The following HIVEP3 variants were observed in gnomAD, a reference collection of about 807,000 sequenced individuals.
The protein encoded by HIVEP3 is HIVEP zinc finger 3.
HIVEP3 carries 49 observed loss-of-function variants against 152.8 expected under a neutral mutation model. The ratio of observed to expected loss-of-function variants is 0.32; its 90% CI spans 0.26 to 0.41. The LOEUF (loss-of-function observed/expected upper bound fraction) is 0.41, where lower values mean the gene tolerates loss of function less well. Among genes scored for constraint, HIVEP3 ranks in the 10% least tolerant of loss-of-function variants. HIVEP3 has a pLI of 1.00. For synonymous variants in HIVEP3, 1,269 were observed against 1,289.0 expected, an observed-to-expected ratio of 0.98 and a Z score of 0.33; for missense variants, 2,790 against 3,103.3, an observed-to-expected ratio of 0.90 and a Z score of 2.40.
At chr1:41,816,824 AC>A (rs1182625963) in intron 1 of HIVEP3, among the ~76,000 whole-genome samples, 1 of 152,310 alleles carries the variant, frequency 6.6e-6, no homozygotes, top group African/African-American at 2.4e-5. Flanking sequence ...CTAACACACC[AC>A]TTGCTTCATC....
rs574580373 is a variant in HIVEP3, at chr1:41,932,872, AG to A, written n.120-14349del. On this transcript the variant is annotated intron_variant and non_coding_transcript_variant, in intron 1 of 3. Transcript: ENST00000489103. ...CATTTCCCAAATTGTGATATGTTGT[AG>A]TTCTTTTTCATTCAGTTCAAAACGC... 1.2e-3 allele frequency among the ~76,000 whole-genome samples: 183 copies of A among 151,990 alleles called. 1 individual carries two copies. The highest frequency in any genetic ancestry group is 4.1e-3 in the African/African-American group (171 of 41,522).
In HIVEP3 at chr1:41,510,941, C is replaced by CAG. The variant is rs778462958; in HGVS notation, c.6729_6730dup (p.Trp2244SerfsTer239). ...GGCTGACGAGCTCTCAGTGGGACTC[C>CAG]AGCGGCCTCGCTCCTGGGCCTCCCG... On this transcript the variant is annotated frameshift_variant, in exon 9 of 9. Transcript: ENST00000372583. LOFTEE classifies it high-confidence loss of function. The CAG allele has an allele frequency of 6.2e-7, 1 of 1,613,564 alleles. No homozygotes were observed. The highest frequency in any genetic ancestry group is 1.1e-5 in the South Asian group (1 of 91,076).
intron 1 of HIVEP3, among the ~76,000 whole-genome samples, chr1:41,790,898 AC>A (rs971530990): frequency 1.3e-5 from 2 of 152,074 alleles, no homozygotes; most frequent in African/African-American, 4.8e-5. Context: ...CAACCCCTGT[AC>A]CATTTTCTTC....
chr1:41,750,703 C>CTTTT (rs11403164), intron 1 of HIVEP3, among the ~76,000 whole-genome samples: 1 of 146,094 alleles, frequency 6.8e-6, no homozygotes. Context: ...GCCCAGTGCA[C>CTTTT]TTTTTTTTTT....
chr1:41,866,510 A>G (rs1196914700), intron 1 of HIVEP3, among the ~76,000 whole-genome samples: 1 of 151,866 alleles, frequency 6.6e-6, no homozygotes, highest in Non-Finnish European at 1.5e-5. Context: ...TTCACAGTGG[A>G]CCTGGCTGCT....
chr1:41,600,347 A>AT (rs1558104899), intron 3 of HIVEP3, among the ~76,000 whole-genome samples: 1 of 152,230 alleles, frequency 6.6e-6, no homozygotes, highest in East Asian at 1.9e-4. Context: ...TGGATAAAAA[A>AT]TTCATTCATG....
intron 2 of HIVEP3, among the ~76,000 whole-genome samples, chr1:41,653,724 C>T (rs558345429): frequency 1.4e-3 from 206 of 152,230 alleles, no homozygotes; most frequent in African/African-American, 4.7e-3. Flanking sequence ...CGTTAGGAGG[C>T]CAGGTGTCCT....
At chr1:41,788,011 T>A (rs1172509148) in intron 1 of HIVEP3, among the ~76,000 whole-genome samples, 1 of 152,130 alleles carries the variant, frequency 6.6e-6, no homozygotes, top group Non-Finnish European at 1.5e-5. Context: ...AGGGATTTAA[T>A]GTGACTTTGG....
chr1:41,975,681 A>T (rs1645255488), intron 1 of HIVEP3, among the ~76,000 whole-genome samples: 1 of 152,340 alleles, frequency 6.6e-6, no homozygotes, highest in South Asian at 2.1e-4. Context: ...TATTGCTAGA[A>T]AAGAAAGCAT....
At chr1:41,944,681 G>A (rs12065143) in intron 1 of HIVEP3, among the ~76,000 whole-genome samples, 2,332 of 152,258 alleles carry the variant, frequency 0.015, 59 homozygotes, top group African/African-American at 0.054. Context: ...AAGGGATGCA[G>A]GACTGCTACA....
intron 2 of HIVEP3, among the ~76,000 whole-genome samples, chr1:41,648,327 A>G (rs1453966884): frequency 6.6e-6 from 1 of 152,048 alleles, no homozygotes; most frequent in Non-Finnish European, 1.5e-5. Context: ...ACGAGCATGC[A>G]TCGGCACATT....
intron 2 of HIVEP3, among the ~76,000 whole-genome samples, chr1:41,655,308 C>T (rs890448223): frequency 3.9e-5 from 6 of 151,998 alleles, no homozygotes; most frequent in Non-Finnish European, 7.4e-5. Flanking sequence ...TGAGGCCGCG[C>T]GCGGTGGCTC....
chr1:41,610,397 G>T (rs1383029064), intron 3 of HIVEP3, among the ~76,000 whole-genome samples: 1 of 152,222 alleles, frequency 6.6e-6, no homozygotes, highest in Non-Finnish European at 1.5e-5. Flanking sequence ...TTAGGCCAAG[G>T]AGCCAGTCTC....
At chr1:41,587,771 G>A (rs1447977523) in intron 3 of HIVEP3, among the ~76,000 whole-genome samples, 1 of 152,114 alleles carries the variant, frequency 6.6e-6, no homozygotes, top group Admixed American at 6.6e-5. Context: ...TGGCAGGACT[G>A]GACCATCCTG....
intron 1 of HIVEP3, among the ~76,000 whole-genome samples, chr1:42,021,017 T>G (rs781195373): frequency 6.6e-6 from 1 of 152,054 alleles, no homozygotes; most frequent in Non-Finnish European, 1.5e-5. Flanking sequence ...TAGGCAGAAG[T>G]CAGATTTTGC....
chr1:41,695,219 G>A (rs756323194), intron 2 of HIVEP3, among the ~76,000 whole-genome samples: 4 of 152,186 alleles, frequency 2.6e-5, no homozygotes, highest in Non-Finnish European at 4.4e-5. Context: ...CCATGGAGGC[G>A]GGGTGTTGGT....
At chr1:41,966,340 G>T (rs148828464) in intron 1 of HIVEP3, among the ~76,000 whole-genome samples, 2,132 of 152,176 alleles carry the variant, frequency 0.014, 44 homozygotes, top group African/African-American at 0.049. Flanking sequence ...AAAATAACCA[G>T]ATAGCATCAT....
At chr1:41,951,332 T>C (rs1430335633) in intron 1 of HIVEP3, among the ~76,000 whole-genome samples, 2 of 152,208 alleles carry the variant, frequency 1.3e-5, no homozygotes, top group Admixed American at 1.3e-4. Context: ...TATGATCCCA[T>C]TTATATAAAG....
intron 1 of HIVEP3, among the ~76,000 whole-genome samples, chr1:41,925,456 T>C (rs1644963283): frequency 6.6e-6 from 1 of 152,172 alleles, no homozygotes; most frequent in Admixed American, 6.5e-5. Flanking sequence ...TATTTAATGT[T>C]TATTAAGTGG....
Sources: gnomAD v4.1 joint callset for allele counts (sites outside exome capture counted in the v4.1 genomes callset) on GRCh38, gnomAD v4.1.1 for gene constraint, MANE v1.5 for transcripts, NCBI Gene and HGNC (gene_info 2026-07-23, HGNC 2026-07-21) for gene names.